NTRK3: variants seen among roughly 807,000 people sequenced by gnomAD.
NTRK3 encodes the protein neurotrophic receptor tyrosine kinase 3.
NTRK3 carries 24 observed loss-of-function variants against 91.7 expected under a neutral mutation model. The ratio of observed to expected loss-of-function variants is 0.26; its 90% CI spans 0.19 to 0.37. The LOEUF (loss-of-function observed/expected upper bound fraction) is 0.37. Among genes scored for constraint, NTRK3 ranks in the 10% least tolerant of loss-of-function variants. The pLI is 1.00. For missense variants in NTRK3, 880 were observed against 1,068.9 expected (o/e 0.82, Z 2.46); for synonymous variants, 483 against 404.0 (o/e 1.20, Z -2.34).
chr15:88,144,331 G>T (rs1002634552), intron 6 of NTRK3, among the ~76,000 whole-genome samples: 2 of 152,228 alleles, frequency 1.3e-5, no homozygotes, highest in African/African-American at 4.8e-5. Context: ...CCCCTGGACA[G>T]AGGGGAAGCT....
At chr15:88,135,173 G>C (rs767385885) in exon 10 of NTRK3, 69 of 1,614,124 alleles carry the variant, frequency 4.3e-5, no homozygotes, top group Non-Finnish European at 5.5e-5. Context: ...TTGGCAATGA[G>C]GGTATAGTTG....
Position 88,146,868 on chromosome 15 carries a change from T to C in NTRK3, c.464+467A>G, listed in dbSNP as rs141478096. Among the ~76,000 whole-genome samples, 40 of 152,330 alleles carry C rather than the reference T, an allele frequency of 2.6e-4. No individual in the cohort carries two copies. In the East Asian group the frequency reaches 5.2e-3, roughly 20 times the overall value. ...CTAGGCCCTAGAAATGTGATCTTAGTTGAGTCTCACGTGTCTTTCTAAGCC... is the reference window on the plus strand; with the variant it reads ...CTAGGCCCTAGAAATGTGATCTTAGCTGAGTCTCACGTGTCTTTCTAAGCC... On this transcript the variant is annotated intron_variant, in intron 6 of 18. Transcript: ENST00000394480.
At chr15:88,084,481 C>T (rs2048326937) in intron 13 of NTRK3, among the ~76,000 whole-genome samples, 1 of 152,202 alleles carries the variant, frequency 6.6e-6, no homozygotes. Context: ...CGTCTTCACT[C>T]AAAACAGAAT....
At chr15:88,073,760 G>A (rs889615433) in intron 13 of NTRK3, among the ~76,000 whole-genome samples, 1 of 151,886 alleles carries the variant, frequency 6.6e-6, no homozygotes, top group Admixed American at 6.5e-5. Context: ...CTGGGGGAGG[G>A]TCCAGAGTGC....
At chr15:87,981,323 G>C (rs1269308836) in intron 14 of NTRK3, 15 of 1,607,002 alleles carry the variant, frequency 9.3e-6, no homozygotes, top group Non-Finnish European at 1.1e-5. Flanking sequence ...TGTCCTTCAA[G>C]TTTAATATCC....
intron 17 of NTRK3, among the ~76,000 whole-genome samples, chr15:87,900,295 G>A (rs2066373703): frequency 6.6e-6 from 1 of 152,152 alleles, no homozygotes; most frequent in Admixed American, 6.5e-5. Flanking sequence ...CAGGAAAGGG[G>A]CATCTATTAA....
exon 19 of NTRK3, chr15:87,871,900 G>C (rs2064835034): frequency 4.5e-6 from 1 of 220,742 alleles, no homozygotes; most frequent in Non-Finnish European, 9.1e-6. Context: ...AGCCCATATT[G>C]ATGTCTTAAT....
At chr15:88,218,106 G>A (rs899326788) in intron 3 of NTRK3, among the ~76,000 whole-genome samples, 21 of 152,082 alleles carry the variant, frequency 1.4e-4, no homozygotes, top group African/African-American at 4.1e-4. Context: ...CTGTTCCCCC[G>A]AGTTGAATGC....
intron 12 of NTRK3, 33 bp downstream of exon 12, chr15:88,127,129 C>G: frequency 1.3e-6 from 2 of 1,585,066 alleles, no homozygotes; most frequent in Non-Finnish European, 1.7e-6. Flanking sequence ...CTATGCCAGT[C>G]AACACACTCC....
In NTRK3 at chr15:87,878,351, T is replaced by C. The variant is rs1046049015; in HGVS notation, c.2293-1231A>G. On this transcript the variant is annotated intron_variant, in intron 18 of 18. Transcript: ENST00000394480. Reference sequence around the variant, plus strand: ...GTGCCTTGTTTCCAGTATTGTCTCATGTCACGCTGACTTTGGGAGGGCTGG... The same window carrying C: ...GTGCCTTGTTTCCAGTATTGTCTCACGTCACGCTGACTTTGGGAGGGCTGG... 6.6e-5 allele frequency among the ~76,000 whole-genome samples: 10 copies of C among 152,220 alleles called. No homozygotes were observed. The South Asian group carries it at 1.7e-3, about 25-fold the overall frequency.
Position 88,136,054 on chromosome 15 carries a change from TA to T in NTRK3, c.766-15del. ...GTTCAGATTGGTCTGAAAACCCCAATAAAAAGATAACAATCAGATAGCTTCT... is the reference window on the plus strand; with the variant it reads ...GTTCAGATTGGTCTGAAAACCCCAATAAAAGATAACAATCAGATAGCTTCT... On this transcript the variant is annotated splice_polypyrimidine_tract_variant and intron_variant, in intron 8 of 18. Coordinates refer to ENST00000394480, the Ensembl canonical transcript of NTRK3. 1 of 1,614,134 alleles carries T rather than the reference TA, an allele frequency of 6.2e-7. No individual in the cohort carries two copies. Among genetic ancestry groups the T allele is most frequent in the Non-Finnish European group, 8.5e-7 (1 of 1,179,982 alleles).
intron 14 of NTRK3, among the ~76,000 whole-genome samples, chr15:87,994,433 A>C (rs541230440): frequency 3.9e-5 from 6 of 152,340 alleles, no homozygotes; most frequent in African/African-American, 1.4e-4. Flanking sequence ...CCATGTGAAC[A>C]TGAAGGCAGA....
chr15:88,187,923 G>C (rs1345730853), intron 3 of NTRK3, among the ~76,000 whole-genome samples: 2 of 149,836 alleles, frequency 1.3e-5, no homozygotes, highest in Admixed American at 6.7e-5. Context: ...AACACAATGA[G>C]ACACTGTCTC....
chr15:88,045,790 A>G (rs974827603), intron 13 of NTRK3, among the ~76,000 whole-genome samples: 2 of 152,286 alleles, frequency 1.3e-5, no homozygotes, highest in Admixed American at 1.3e-4. Context: ...CTCTGTCATC[A>G]TGTAGCCTTC....
intron 17 of NTRK3, among the ~76,000 whole-genome samples, chr15:87,912,182 C>T (rs955350675): frequency 2.6e-5 from 4 of 152,166 alleles, no homozygotes; most frequent in African/African-American, 9.7e-5. Context: ...TCTTTGCTTG[C>T]TGCGTTGACT....
intron 13 of NTRK3, among the ~76,000 whole-genome samples, chr15:88,044,614 C>T (rs1203774008): frequency 7.6e-6 from 1 of 131,066 alleles, no homozygotes; most frequent in Non-Finnish European, 1.6e-5. Context: ...AATCATACGG[C>T]CAAAAGCACT....
At chr15:88,110,415 G>A (rs996976931) in intron 13 of NTRK3, among the ~76,000 whole-genome samples, 8 of 152,134 alleles carry the variant, frequency 5.3e-5, no homozygotes, top group African/African-American at 1.9e-4. Flanking sequence ...CCATCTTACA[G>A]GCAATCCACA....
In NTRK3 at chr15:88,255,484, C is replaced by T; in HGVS notation, c.248+422G>A. 6.6e-6 allele frequency among the ~76,000 whole-genome samples: 1 copy of T among 152,246 alleles called. No homozygotes were observed. The highest frequency in any genetic ancestry group is 1.9e-4 in the East Asian group (1 of 5,188). ...CCCTGCCGGCTAAGCGCTGCCGCCG[C>T]TGCCACCGCCGCTGCCGCCTCTGCC... is the stretch of plus-strand genomic sequence containing the variant. On this transcript the variant is annotated intron_variant, in intron 3 of 18. Coordinates refer to ENST00000394480, the Ensembl canonical transcript of NTRK3. This position sits in a 1 kb window ranked among gnomAD's most constrained non-coding sequence, Gnocchi z 4.3.
chr15:88,054,747 A>ATCTGAAAG (rs2045534624), intron 13 of NTRK3, among the ~76,000 whole-genome samples: 1 of 152,088 alleles, frequency 6.6e-6, no homozygotes, highest in Non-Finnish European at 1.5e-5. Context: ...GCTTCTGAAA[A>ATCTGAAAG]TATTGATGAT....
Sources: allele counts gnomAD v4.1 joint callset (sites outside exome capture counted in the v4.1 genomes callset), GRCh38; gene constraint gnomAD v4.1.1; non-coding constraint Gnocchi (gnomAD v3.1); transcripts MANE v1.5; gene names NCBI Gene and HGNC (gene_info 2026-07-23, HGNC 2026-07-21).